Variants in C10orf67 observed in about 807,000 individuals in gnomAD.
C10orf67 encodes the protein chromosome 10 open reading frame 67.
In C10orf67, 60 loss-of-function variants were observed where a neutral mutation model predicts 35.6. The observed-to-expected ratio is 1.68, with a 90% CI of 1.37 to 2.09. The LOEUF (loss-of-function observed/expected upper bound fraction) is 2.09. Ranked by LOEUF, C10orf67 falls within the 30% of genes most tolerant of loss-of-function variation. The pLI is 0.00. For synonymous variants in C10orf67, 167 were observed against 115.8 expected, an observed-to-expected ratio of 1.44 and a Z score of -2.84; for missense variants, 474 against 330.2, an observed-to-expected ratio of 1.44 and a Z score of -3.38.
chr10:23,320,258 T>C (rs193220346), intron 4 of C10orf67, among the ~76,000 whole-genome samples: 3 of 152,338 alleles, frequency 2.0e-5, no homozygotes, highest in African/African-American at 4.8e-5. Context: ...TAGTTATAAA[T>C]GCTAAACAAA....
chr10:23,264,962 T>C (rs1415986875), intron 10 of C10orf67, among the ~76,000 whole-genome samples: 2 of 152,238 alleles, frequency 1.3e-5, no homozygotes, highest in Admixed American at 1.3e-4. Flanking sequence ...GCCAGTTCTT[T>C]TTATATGTGG....
intron 5 of C10orf67, among the ~76,000 whole-genome samples, chr10:23,294,537 G>A (rs1014725463): frequency 1.3e-5 from 2 of 152,104 alleles, no homozygotes; most frequent in Non-Finnish European, 2.9e-5. Context: ...ATTTCCCACC[G>A]AATAAAACCT....
chr10:23,290,997 A>G, intron 6 of C10orf67, 135 bp downstream of exon 6: 1 of 585,674 alleles, frequency 1.7e-6, no homozygotes, highest in Non-Finnish European at 3.0e-6. Flanking sequence ...AATAAAAAGC[A>G]AAGATGGCTA....
At chr10:23,307,298 A>G (rs1169740684) in intron 4 of C10orf67, among the ~76,000 whole-genome samples, 1 of 152,214 alleles carries the variant, frequency 6.6e-6, no homozygotes, top group Admixed American at 6.5e-5. Context: ...TGTGTTTGTT[A>G]CTAATATATT....
At position 23,202,805 on chromosome 10, in the gene C10orf67, A is replaced by G. The variant is rs1841059167; in HGVS notation, c.*1368T>C. Reference sequence around the variant, plus strand: ...CTGAAATGAAGCAGTTTGATATCACACCCAACCAGGAGGCTGCTTCCAAGG... The same window carrying G: ...CTGAAATGAAGCAGTTTGATATCACGCCCAACCAGGAGGCTGCTTCCAAGG... On this transcript the variant is annotated 3_prime_UTR_variant, in exon 16 of 16. Transcript: ENST00000636213. The G allele has an allele frequency of 1.3e-5, 2 of 152,176 alleles. No individual in the cohort carries two copies. Among genetic ancestry groups the G allele is most frequent in the African/African-American group, 4.8e-5 (2 of 41,428 alleles). The allele number at this position is 152,176 out of a possible 1,614,324, so 9.4% of individuals were successfully genotyped here. A position where few individuals can be genotyped will look rare whatever the true frequency, so the allele number is the denominator to read the frequency against.
At chr10:23,237,003 A>G (rs894845353) in intron 13 of C10orf67, among the ~76,000 whole-genome samples, 4 of 152,190 alleles carry the variant, frequency 2.6e-5, no homozygotes, top group Admixed American at 6.6e-5. Flanking sequence ...TAGTAAGCAT[A>G]GTATCCGACA....
intron 2 of C10orf67, among the ~76,000 whole-genome samples, chr10:23,330,600 C>T (rs1170678686): frequency 6.6e-6 from 1 of 151,494 alleles, no homozygotes; most frequent in Non-Finnish European, 1.5e-5. Context: ...ATTAGCCGGG[C>T]GTGGTGGCCG....
chr10:23,279,447 G>A (rs1234151443), intron 8 of C10orf67, among the ~76,000 whole-genome samples: 1 of 152,240 alleles, frequency 6.6e-6, no homozygotes, highest in Non-Finnish European at 1.5e-5. Context: ...CGGAGGGAAC[G>A]CAGGTGTCAG....
chr10:23,310,687 A>G (rs1844462609), intron 4 of C10orf67, among the ~76,000 whole-genome samples: 1 of 152,102 alleles, frequency 6.6e-6, no homozygotes. Context: ...ACCAGTCCTC[A>G]CATTCCTCAG....
At chr10:23,318,983 C>CT in intron 4 of C10orf67, 4 of 731,286 alleles carry the variant, frequency 5.5e-6, no homozygotes, top group South Asian at 4.4e-5. Context: ...AAAGGGTCTT[C>CT]CATGAGAACC....
At chr10:23,317,516 T>C (rs1844773864) in intron 4 of C10orf67, 1 of 152,132 alleles carries the variant, frequency 6.6e-6, no homozygotes, top group South Asian at 2.1e-4. Flanking sequence ...GCCCTGGCCA[T>C]ATCTCCCCTG....
chr10:23,290,744 T>C (rs1843695981), intron 6 of C10orf67, among the ~76,000 whole-genome samples: 1 of 152,260 alleles, frequency 6.6e-6, no homozygotes, highest in Admixed American at 6.5e-5. Flanking sequence ...CTACAAAGCA[T>C]ATCCCTATAT....
chr10:23,240,654 T>C (rs1842157726), intron 12 of C10orf67, among the ~76,000 whole-genome samples: 1 of 152,264 alleles, frequency 6.6e-6, no homozygotes, highest in South Asian at 2.1e-4. Context: ...GGCAAGAGAA[T>C]GGCTGGACAG....
chr10:23,254,583 T>C (rs1461399866), intron 10 of C10orf67, among the ~76,000 whole-genome samples: 2 of 152,182 alleles, frequency 1.3e-5, no homozygotes, highest in African/African-American at 4.8e-5. Flanking sequence ...AATTAAAAAT[T>C]CACAAAATTA....
chr10:23,286,617 G>A (rs1843544060), intron 7 of C10orf67, among the ~76,000 whole-genome samples: 2 of 137,084 alleles, frequency 1.5e-5, no homozygotes, highest in Non-Finnish European at 3.1e-5. Flanking sequence ...AAGGAGGGAG[G>A]GAGGGAGGAA....
chr10:23,323,926 TATATATATATATATATATATATATATAC>T (rs1246755470), intron 2 of C10orf67, among the ~76,000 whole-genome samples: 2 of 39,114 alleles, frequency 5.1e-5, no homozygotes, highest in East Asian at 0.01. Context: ...TATATATATA[TATATATATATATATATATATATATATAC>T]ACACACACAC....
chr10:23,205,479 G>GACT (rs1841133106), intron 15 of C10orf67, among the ~76,000 whole-genome samples: 1 of 152,146 alleles, frequency 6.6e-6, no homozygotes, highest in Non-Finnish European at 1.5e-5. Flanking sequence ...ATAAAACTAT[G>GACT]CATACATGTA....
rs183142698 is a variant in C10orf67 at position 23,300,357 on chromosome 10, G to A, written c.702+2947C>T. On this transcript the variant is annotated intron_variant, in intron 5 of 15. Transcript: ENST00000636213. ...GCCTCCAAAGTCCGCTTGCCTGAGG[G>A]CCATGACTAAAGCGGTGGCCTTTTT... Among the ~76,000 whole-genome samples the A allele has an allele frequency of 7.9e-4, 121 of 152,226 alleles. 2 individuals are homozygous for A. The highest frequency in any genetic ancestry group is 3.1e-3 in the Admixed American group (48 of 15,294).
chr10:23,231,215 A>C (rs758659790), intron 13 of C10orf67, among the ~76,000 whole-genome samples: 24 of 152,130 alleles, frequency 1.6e-4, no homozygotes, highest in Non-Finnish European at 2.5e-4. Context: ...ATAGACAGAG[A>C]GCACCTTTCT....
Sources: allele counts gnomAD v4.1 joint callset (sites outside exome capture counted in the v4.1 genomes callset), GRCh38; gene constraint gnomAD v4.1.1; transcripts MANE v1.5; gene names NCBI Gene and HGNC (gene_info 2026-07-23, HGNC 2026-07-21).